XKR6: variants seen among roughly 807,000 people sequenced by gnomAD.
XKR6 encodes the protein XK-related protein 6.
XKR6 carries 22 observed loss-of-function variants against 56.7 expected under a neutral mutation model. The observed-to-expected ratio is 0.39, with a 90% confidence interval of 0.28 to 0.55. XKR6 has a LOEUF of 0.55. XKR6 is among the 20% of genes least tolerant of loss of function. The pLI is 0.66. For missense variants in XKR6, 852 were observed against 889.0 expected (o/e 0.96, Z 0.53); for synonymous variants, 524 against 387.8 (o/e 1.35, Z -4.13).
chr8:11,005,431 T>C (rs539371719), intron 1 of XKR6, among the ~76,000 whole-genome samples: 13 of 152,262 alleles, frequency 8.5e-5, no homozygotes, highest in African/African-American at 2.9e-4. Flanking sequence ...GGAGCAGTTA[T>C]TTAATGGGCA....
chr8:11,047,652 G>C (rs576717819), intron 1 of XKR6, among the ~76,000 whole-genome samples: 127 of 152,340 alleles, frequency 8.3e-4, no homozygotes, highest in African/African-American at 2.9e-3. Context: ...GTTTGATGGA[G>C]ACAGAGCTTC....
intron 1 of XKR6, among the ~76,000 whole-genome samples, chr8:10,956,169 AG>A (rs140862970): frequency 0.063 from 9,607 of 152,282 alleles, 347 homozygotes; most frequent in Middle Eastern, 0.14. Context: ...AGGAGGAAGT[AG>A]GCAGAAAGGA....
At chr8:10,973,999 T>C (rs902080168) in intron 1 of XKR6, among the ~76,000 whole-genome samples, 11 of 152,204 alleles carry the variant, frequency 7.2e-5, no homozygotes, top group Non-Finnish European at 1.5e-4. Context: ...AAGTGGGAAA[T>C]TAAAGTCCAG....
At chr8:10,918,408 G>A (rs1800622032) in intron 2 of XKR6, among the ~76,000 whole-genome samples, 1 of 152,108 alleles carries the variant, frequency 6.6e-6, no homozygotes, top group South Asian at 2.1e-4. Flanking sequence ...ATGTCAGTGT[G>A]ATGGCATCTG....
intron 1 of XKR6, among the ~76,000 whole-genome samples, chr8:11,086,133 A>AATATATATATAT (rs138365092): frequency 2.2e-5 from 2 of 90,068 alleles, no homozygotes; most frequent in African/African-American, 1.1e-4. Flanking sequence ...TTAAAAAGAA[A>AATATATATATAT]ATATATATAT....
intron 1 of XKR6, among the ~76,000 whole-genome samples, chr8:11,179,232 C>G (rs74711476): frequency 6.6e-6 from 1 of 152,134 alleles, no homozygotes; most frequent in Non-Finnish European, 1.5e-5. Flanking sequence ...AAAGAACAAG[C>G]ATCTGGCTAG....
intron 1 of XKR6, among the ~76,000 whole-genome samples, chr8:10,928,146 G>T (rs1224902286): frequency 1.3e-5 from 2 of 152,166 alleles, no homozygotes; most frequent in Admixed American, 1.3e-4. Flanking sequence ...TATAGTGGAG[G>T]GCCCAGGTGC....
At chr8:11,179,020 CTTTTTT>C (rs35214787) in intron 1 of XKR6, among the ~76,000 whole-genome samples, 4 of 104,520 alleles carry the variant, frequency 3.8e-5, no homozygotes, top group East Asian at 4.5e-4. Flanking sequence ...TTTTCTTTTT[CTTTTTT>C]TTTTTTTTTT....
intron 1 of XKR6, among the ~76,000 whole-genome samples, chr8:11,134,929 A>T (rs1314365381): frequency 6.6e-6 from 1 of 152,088 alleles, no homozygotes; most frequent in Non-Finnish European, 1.5e-5. Flanking sequence ...ATACAGAAAG[A>T]TATTTCCATT....
intron 2 of XKR6, among the ~76,000 whole-genome samples, chr8:10,916,286 A>T (rs914216883): frequency 2.6e-5 from 4 of 152,190 alleles, no homozygotes; most frequent in African/African-American, 9.7e-5. Flanking sequence ...TCTGGTGCTG[A>T]GCTCAGATCC....
chr8:11,061,197 C>G (rs960675658), intron 1 of XKR6, among the ~76,000 whole-genome samples: 1 of 152,208 alleles, frequency 6.6e-6, no homozygotes, highest in Non-Finnish European at 1.5e-5. Flanking sequence ...GGTGTGGTGG[C>G]TCACACCTGT....
chr8:10,899,099 A>T (rs968662120), intron 2 of XKR6, among the ~76,000 whole-genome samples, 183 bp from the exon 3 acceptor site: 7 of 152,160 alleles, frequency 4.6e-5, no homozygotes, highest in African/African-American at 1.4e-4. Context: ...AACTTGGGAG[A>T]TGGAGCTTTT....
intron 1 of XKR6, among the ~76,000 whole-genome samples, chr8:11,185,293 G>A (rs188602948): frequency 1.3e-5 from 2 of 152,280 alleles, no homozygotes; most frequent in East Asian, 1.9e-4. Context: ...TTATTTCAAC[G>A]TTTAATGCTA....
intron 1 of XKR6, among the ~76,000 whole-genome samples, chr8:10,993,439 C>A (rs1798038512): frequency 6.6e-6 from 1 of 152,230 alleles, no homozygotes; most frequent in Non-Finnish European, 1.5e-5. Flanking sequence ...CTGTCCCACA[C>A]CTCTGCATGC....
At chr8:10,928,930 C>T (rs1039736936) in intron 1 of XKR6, among the ~76,000 whole-genome samples, 1 of 152,186 alleles carries the variant, frequency 6.6e-6, no homozygotes, top group African/African-American at 2.4e-5. Flanking sequence ...CTAAGAGCCT[C>T]GGATCATGAA....
chr8:11,035,563 C>G lies in XKR6; in HGVS notation c.765-110733G>C, dbSNP rs112092732. 4.2e-3 allele frequency among the ~76,000 whole-genome samples: 640 copies of G among 152,342 alleles called. 3 individuals carry two copies. Among genetic ancestry groups the G allele is most frequent in the African/African-American group, 0.015 (609 of 41,574 alleles). On this transcript the variant is annotated intron_variant, in intron 1 of 2. Coordinates refer to ENST00000416569, the MANE Select transcript of XKR6 (RefSeq NM_173683.4). Reference sequence around the variant, plus strand: ...CCTAAGAGCAAGTTCTGCTCTGCAGCTGAACTTCAAGAACCCAGCTGCATC... The same window carrying G: ...CCTAAGAGCAAGTTCTGCTCTGCAGGTGAACTTCAAGAACCCAGCTGCATC...
At chr8:10,925,749 A>G (rs1439600984) in intron 1 of XKR6, among the ~76,000 whole-genome samples, 1 of 152,084 alleles carries the variant, frequency 6.6e-6, no homozygotes, top group Non-Finnish European at 1.5e-5. Flanking sequence ...GGTGCATGGG[A>G]AGATTAGTGA....
chr8:11,024,504 T>C (rs1798818826), intron 1 of XKR6, among the ~76,000 whole-genome samples: 1 of 152,212 alleles, frequency 6.6e-6, no homozygotes, highest in South Asian at 2.1e-4. Context: ...ATTCAGTCAG[T>C]GGTAGCCATT....
intron 1 of XKR6, among the ~76,000 whole-genome samples, chr8:10,968,879 G>C (rs1563318313): frequency 6.6e-6 from 1 of 152,260 alleles, no homozygotes; most frequent in African/African-American, 2.4e-5. Context: ...ACAGCTGACA[G>C]CCGCTCCAGC....
Sources: gnomAD v4.1 joint callset for allele counts (sites outside exome capture counted in the v4.1 genomes callset) on GRCh38, gnomAD v4.1.1 for gene constraint, MANE v1.5 for transcripts, NCBI Gene and HGNC (gene_info 2026-07-23, HGNC 2026-07-21) for gene names.